The following MKX variants were observed in gnomAD, a reference collection of about 807,000 sequenced individuals.
MKX encodes the protein mohawk homeobox, also known as homeobox protein Mohawk.
Under a neutral mutation model 36.0 loss-of-function variants are expected in MKX, and 13 were observed. The observed-to-expected ratio is 0.36, with a 90% CI of 0.24 to 0.57. MKX has a LOEUF of 0.57. MKX is among the 20% of genes least tolerant of loss of function. The pLI is 0.79. For missense variants in MKX, 458 were observed against 456.4 expected, an observed-to-expected ratio of 1.00 and a Z score of -0.03; for synonymous variants, 176 against 178.3, an observed-to-expected ratio of 0.99 and a Z score of 0.10.
At position 27,744,786 on chromosome 10, in the gene MKX, C is replaced by T. The variant is rs556457649; in HGVS notation, c.-83+921G>A. On this transcript the variant is annotated intron_variant, in intron 1 of 6. Coordinates refer to ENST00000419761, the MANE Select transcript of MKX (RefSeq NM_173576.3). The surrounding 1 kb of genome is among the most constrained non-coding windows in gnomAD (Gnocchi z 5.6). Reference sequence around the variant, plus strand: ...GCGCCCACACTCGCCAACGCCCCCGCCCCGCCCTTCGGCCACCGCAGCAGA... The same window carrying T: ...GCGCCCACACTCGCCAACGCCCCCGTCCCGCCCTTCGGCCACCGCAGCAGA... The T allele has an allele frequency of 1.2e-4, 19 of 154,964 alleles. No individual in the cohort carries two copies. In the East Asian group the frequency reaches 2.5e-3, roughly 20 times the overall value. The allele number at this position is 154,964 out of a possible 1,614,324, so 9.6% of individuals were successfully genotyped here.
chr10:27,680,368 G>GA (rs1554768914), intron 5 of MKX, among the ~76,000 whole-genome samples: 273 of 13,234 alleles, frequency 0.021, 2 homozygotes, highest in African/African-American at 0.052. Flanking sequence ...GAAAAGAAAA[G>GA]AAAAAAAAAA....
chr10:27,724,249 T>C (rs1470887991), intron 5 of MKX, among the ~76,000 whole-genome samples: 1 of 152,170 alleles, frequency 6.6e-6, no homozygotes, highest in African/African-American at 2.4e-5. Flanking sequence ...TTCATCACTG[T>C]GTCAAAGATA....
Position 27,711,962 on chromosome 10 carries a change from T to C in MKX, c.838+22494A>G, listed in dbSNP as rs925307734. On this transcript the variant is annotated intron_variant, in intron 5 of 6. Coordinates refer to ENST00000419761, the MANE Select transcript of MKX (RefSeq NM_173576.3). ...GATAAGCATGAACCAAGGTAGATTTTTGTTGGATCAACTGACCTGTTTTCT... is the reference window on the plus strand; with the variant it reads ...GATAAGCATGAACCAAGGTAGATTTCTGTTGGATCAACTGACCTGTTTTCT... Among the ~76,000 whole-genome samples the C allele has an allele frequency of 1.1e-4, 17 of 152,292 alleles. No individual in the cohort carries two copies. In the South Asian group the frequency reaches 2.5e-3, roughly 22 times the overall value.
intron 5 of MKX, among the ~76,000 whole-genome samples, chr10:27,685,758 C>T (rs1171686949): frequency 3.3e-5 from 5 of 152,104 alleles, no homozygotes; most frequent in South Asian, 2.1e-4. Flanking sequence ...CCCAGTAGAG[C>T]GATTTCTAAT....
chr10:27,741,285 G>A lies in MKX; in HGVS notation c.348+60C>T, dbSNP rs541363272. ...GTGGAGAGCCACACGAACTCTAAGC[G>A]TTCCCGCTCTTCAGCCCCTCGCGGG... On this transcript the variant is annotated intron_variant, in intron 3 of 6. Coordinates refer to ENST00000419761, the MANE Select transcript of MKX (RefSeq NM_173576.3). This position sits in a 1 kb window ranked among gnomAD's most constrained non-coding sequence, Gnocchi z 5.1. 1.3e-6 allele frequency: 2 copies of A among 1,595,024 alleles called. No homozygotes were observed. Among genetic ancestry groups the A allele is most frequent in the East Asian group, 2.2e-5 (1 of 44,514 alleles).
At chr10:27,679,258 C>T (rs1487163727) in intron 5 of MKX, among the ~76,000 whole-genome samples, 1 of 151,980 alleles carries the variant, frequency 6.6e-6, no homozygotes, top group Non-Finnish European at 1.5e-5. Context: ...TACCCTAGAA[C>T]ATAAAGAATA....
intron 5 of MKX, among the ~76,000 whole-genome samples, chr10:27,684,738 C>T (rs987696687): frequency 1.3e-5 from 2 of 152,192 alleles, no homozygotes; most frequent in African/African-American, 4.8e-5. Flanking sequence ...GCAAATGTTG[C>T]AAGAAGGAAT....
intron 5 of MKX, among the ~76,000 whole-genome samples, chr10:27,710,722 G>T (rs1465245495): frequency 6.6e-6 from 1 of 152,176 alleles, no homozygotes; most frequent in East Asian, 1.9e-4. Flanking sequence ...GCAGTGGTAT[G>T]ATCTGGGCTC....
chr10:27,740,191 G>A (rs1351939138), intron 3 of MKX, among the ~76,000 whole-genome samples: 1 of 152,096 alleles, frequency 6.6e-6, no homozygotes, highest in Non-Finnish European at 1.5e-5. Flanking sequence ...ATTCCTAAAG[G>A]GAAATTTTAA....
Position 27,743,352 on chromosome 10 carries a change from C to G in MKX, c.64G>C (p.Glu22Gln). ...AVLFEDGGAS[E>Q]RERGGRPYSG... ...TAGGGCCGGCCACCCCGCTCCCGCT[C>G]CGAGGCGCCTCCGTCCTCAAACAGC... The change falls in exon 2 of 7, where the codon GAG becomes CAG. Residue 22 changes from glutamate to glutamine, a missense_variant. Glu to Gln is a conservative substitution (Grantham distance 29). This residue lies in a region of MKX where 149 missense variants were observed against 114.3 expected (regional missense o/e 1.30). Transcript: ENST00000419761. 1 of 1,581,918 alleles carries G rather than the reference C, an allele frequency of 6.3e-7. No homozygotes were observed. Among genetic ancestry groups the G allele is most frequent in the Admixed American group, 1.8e-5 (1 of 55,452 alleles).
intron 5 of MKX, among the ~76,000 whole-genome samples, chr10:27,677,584 C>G (rs11015940): frequency 6.6e-6 from 1 of 152,080 alleles, no homozygotes; most frequent in Admixed American, 6.5e-5. Context: ...GCCTGCTGAC[C>G]TATCCTGAGT....
intron 5 of MKX, among the ~76,000 whole-genome samples, chr10:27,676,041 C>T (rs1430891595): frequency 1.3e-5 from 2 of 152,096 alleles, no homozygotes; most frequent in African/African-American, 2.4e-5. Flanking sequence ...GAGGCCAAGG[C>T]GGGGGATTGC....
chr10:27,736,842 C>T (rs10508727), intron 3 of MKX, among the ~76,000 whole-genome samples: 7,724 of 152,046 alleles, frequency 0.051, 269 homozygotes, highest in Non-Finnish European at 0.08. Context: ...GATAGTTATC[C>T]TTTCAAATTT....
intron 5 of MKX, among the ~76,000 whole-genome samples, chr10:27,689,931 G>A (rs1024314972): frequency 1.3e-5 from 2 of 152,106 alleles, no homozygotes; most frequent in Admixed American, 6.5e-5. Flanking sequence ...CTTGCTAACC[G>A]GAAGCATCTG....
At chr10:27,736,711 T>TA (rs200313147) in intron 3 of MKX, among the ~76,000 whole-genome samples, 88 of 151,616 alleles carry the variant, frequency 5.8e-4, no homozygotes, top group Non-Finnish European at 1.0e-3. Context: ...TTATTCTACT[T>TA]AAAAAAAAAT....
intron 5 of MKX, among the ~76,000 whole-genome samples, chr10:27,677,688 C>G (rs1167094841): frequency 6.6e-6 from 1 of 152,080 alleles, no homozygotes; most frequent in Non-Finnish European, 1.5e-5. Context: ...ACAAGGCGAA[C>G]AAACAAAACA....
intron 5 of MKX, among the ~76,000 whole-genome samples, chr10:27,722,928 G>C (rs938940141): frequency 1.3e-5 from 2 of 152,102 alleles, no homozygotes; most frequent in Admixed American, 6.5e-5. Flanking sequence ...TGTGTGTTAG[G>C]GGGTGGGGAT....
chr10:27,689,677 C>T (rs971150872), intron 5 of MKX, among the ~76,000 whole-genome samples: 11 of 152,116 alleles, frequency 7.2e-5, no homozygotes, highest in Non-Finnish European at 1.5e-4. Context: ...CCTCCCATGA[C>T]CCCTTTTGAC....
intron 5 of MKX, among the ~76,000 whole-genome samples, chr10:27,696,669 G>A (rs1394543625): frequency 6.6e-6 from 1 of 152,072 alleles, no homozygotes; most frequent in Non-Finnish European, 1.5e-5. Flanking sequence ...CACCGAGAGT[G>A]AGAACGTGCA....
Sources: gnomAD v4.1 joint callset for allele counts (sites outside exome capture counted in the v4.1 genomes callset) on GRCh38, gnomAD v4.1.1 for gene constraint, gnomAD v4.1.1 regional missense constraint, Gnocchi (gnomAD v3.1) non-coding constraint, MANE v1.5 for transcripts, NCBI Gene and HGNC (gene_info 2026-07-23, HGNC 2026-07-21) for gene names.